The following GALK2 variants were observed in gnomAD, a reference collection of about 807,000 sequenced individuals.
GALK2 encodes the protein galactokinase 2.
GALK2 carries 36 observed loss-of-function variants against 52.4 expected under a neutral mutation model. The ratio of observed to expected loss-of-function variants is 0.69; its 90% confidence interval spans 0.53 to 0.91. The LOEUF (loss-of-function observed/expected upper bound fraction) is 0.91, where lower values mean the gene tolerates loss of function less well. Among genes scored for constraint, GALK2 ranks in the 40% least tolerant of loss-of-function variants. GALK2 has a pLI of 0.00. For missense variants in GALK2, 579 were observed against 559.1 expected, an observed-to-expected ratio of 1.04 and a Z score of -0.36; for synonymous variants, 176 against 199.1, an observed-to-expected ratio of 0.88 and a Z score of 0.98.
intron 9 of GALK2, 107 bp from the exon 10 acceptor site, chr15:49,327,845 T>G: frequency 9.9e-7 from 1 of 1,009,722 alleles, no homozygotes; most frequent in Non-Finnish European, 1.4e-6. Context: ...AAACCCCGCA[T>G]GTATTTTCTT....
At chr15:49,294,184 T>TAAATAAATAAGC (rs1280444432) in intron 8 of GALK2, among the ~76,000 whole-genome samples, 2 of 140,516 alleles carry the variant, frequency 1.4e-5, no homozygotes, top group African/African-American at 2.5e-5. Flanking sequence ...AATAAATAAA[T>TAAATAAATAAGC]AAGCAAGCAA....
At chr15:49,220,256 A>C (rs1412227838) in intron 3 of GALK2, among the ~76,000 whole-genome samples, 2 of 151,726 alleles carry the variant, frequency 1.3e-5, no homozygotes, top group African/African-American at 4.8e-5. Flanking sequence ...ACCTCTTTTT[A>C]TCCCCCGTTC....
chr15:49,318,032 A>T (rs2036561212), intron 8 of GALK2: 1 of 151,172 alleles, frequency 6.6e-6, no homozygotes, highest in Admixed American at 6.6e-5. Context: ...CATTCTGCAC[A>T]TGTATCCCAG....
chr15:49,364,594 A>C (rs2044798670), intron 3 of GALK2, among the ~76,000 whole-genome samples: 1 of 152,206 alleles, frequency 6.6e-6, no homozygotes, highest in Admixed American at 6.5e-5. Flanking sequence ...TTTTAAAAAA[A>C]CATACTACAA....
intron 1 of GALK2, among the ~76,000 whole-genome samples, chr15:49,157,379 A>T (rs759399316): frequency 1.3e-5 from 2 of 152,212 alleles, no homozygotes; most frequent in African/African-American, 2.4e-5. Context: ...ATAAAATCTA[A>T]TTAAAATTAC....
chr15:49,192,409 C>G (rs543680218), intron 1 of GALK2, among the ~76,000 whole-genome samples: 21 of 148,130 alleles, frequency 1.4e-4, no homozygotes, highest in African/African-American at 4.5e-4. Flanking sequence ...CAAACATTCT[C>G]CTATGTAAGA....
rs770088619 is a variant in GALK2 at position 49,328,031 on chromosome 15, C to G, written c.1249C>G (p.Leu417Val). Reference sequence around the variant, plus strand: ...AGTATCAATGGTACCTGCGGACAAGCTGCCCAGCTTTCTAGCAAATGTGCA... The same window carrying G: ...AGTATCAATGGTACCTGCGGACAAGGTGCCCAGCTTTCTAGCAAATGTGCA... Reference protein sequence around the residue: ...CTVSMVPADKLPSFLANVHKA... With the variant: ...CTVSMVPADKVPSFLANVHKA... Residue 417 changes from leucine to valine, a missense_variant, in exon 10 of 10, where the codon CTG (leucine) becomes GTG (valine). Coordinates refer to ENST00000560031, the MANE Select transcript of GALK2 (RefSeq NM_002044.4). 1 of 1,613,880 alleles carries G rather than the reference C, an allele frequency of 6.2e-7. No homozygotes were observed.
At chr15:49,232,288 C>T (rs756659916) in intron 3 of GALK2, among the ~76,000 whole-genome samples, 8 of 152,174 alleles carry the variant, frequency 5.3e-5, no homozygotes, top group Non-Finnish European at 7.3e-5. Context: ...GTCCTTTCAG[C>T]CACCCCTGGA....
intron 5 of GALK2, among the ~76,000 whole-genome samples, chr15:49,245,924 A>C (rs1200096511): frequency 1.3e-5 from 2 of 152,184 alleles, no homozygotes; most frequent in African/African-American, 4.8e-5. Flanking sequence ...GTTACTTTAT[A>C]TAGTGATACC....
chr15:49,155,891 G>C, exon 1 of GALK2: 1 of 1,288,660 alleles, frequency 7.8e-7, no homozygotes. Flanking sequence ...AGCCTCCTGG[G>C]TAAAGGAGCA....
At chr15:49,273,614 A>G (rs1428552943) in intron 5 of GALK2, among the ~76,000 whole-genome samples, 1 of 150,636 alleles carries the variant, frequency 6.6e-6, no homozygotes, top group Non-Finnish European at 1.5e-5. Context: ...TTCATCAGCC[A>G]TGTTTCAAAA....
Position 49,337,508 on chromosome 15 carries a change from C to CTTTT in GALK2, c.426+17727_426+17730dup, listed in dbSNP as rs33973907. On this transcript the variant is annotated intron_variant, in intron 3 of 3. Coordinates refer to the GALK2 transcript ENST00000558399. ...AATGTCTGTTCATATCATTTACCCA[C>CTTTT]TTTTTTTTTTTTTTTTTTTTTTTTT... Among the ~76,000 whole-genome samples, 283 of 36,046 alleles carry CTTTT rather than the reference C, an allele frequency of 7.9e-3. 32 individuals are homozygous for CTTTT. The highest frequency in any genetic ancestry group is 0.027 in the African/African-American group (218 of 8,118). 23.6% of individuals were successfully genotyped at this position (36,046 alleles called of 152,430 possible).
exon 1 of GALK2, chr15:49,155,865 G>A: frequency 7.0e-6 from 7 of 1,003,774 alleles, no homozygotes; most frequent in Non-Finnish European, 9.1e-6. Flanking sequence ...AACTGCGCTC[G>A]CATCGAGCAG....
intron 3 of GALK2, among the ~76,000 whole-genome samples, chr15:49,357,569 C>G (rs1043822909): frequency 9.9e-5 from 15 of 151,554 alleles, no homozygotes; most frequent in Non-Finnish European, 1.6e-4. Context: ...AGACCAATAA[C>G]AGGAGCTGAA....
At chr15:49,347,756 C>T (rs529477361) in intron 3 of GALK2, among the ~76,000 whole-genome samples, 34 of 152,198 alleles carry the variant, frequency 2.2e-4, no homozygotes, top group Non-Finnish European at 4.0e-4. Flanking sequence ...TGGTGGCTCA[C>T]GCCAGTAATC....
At chr15:49,192,217 G>A (rs1044198260) in intron 1 of GALK2, among the ~76,000 whole-genome samples, 5 of 151,880 alleles carry the variant, frequency 3.3e-5, no homozygotes, top group African/African-American at 7.3e-5. Flanking sequence ...AAAGATCTGG[G>A]CATTAGAGAT....
At chr15:49,233,655 T>C (rs1156831393) in intron 3 of GALK2, among the ~76,000 whole-genome samples, 1 of 152,234 alleles carries the variant, frequency 6.6e-6, no homozygotes, top group African/African-American at 2.4e-5. Context: ...TTTCAAATTG[T>C]GTGACCTCTT....
chr15:49,292,403 G>T lies in GALK2; in HGVS notation c.833G>T (p.Ser278Ile). ...LEEVQAKLGI[S>I]LEEMLLVTED... Reference sequence around the variant, plus strand: ...GAGGTGCAGGCTAAACTAGGGATTAGTCTAGAAGAAATGCTGTTGGTCACA... The same window carrying T: ...GAGGTGCAGGCTAAACTAGGGATTATTCTAGAAGAAATGCTGTTGGTCACA... The change falls in exon 8 of 10, where the codon AGT (serine) becomes ATT (isoleucine). Residue 278 changes from serine (S) to isoleucine (I), a missense_variant. By Grantham distance (142) the Ser-to-Ile change is moderately radical. Coordinates refer to ENST00000560031, the MANE Select transcript of GALK2 (RefSeq NM_002044.4). 1.2e-6 allele frequency: 2 copies of T among 1,614,068 alleles called. No homozygotes were observed. Among genetic ancestry groups the T allele is most frequent in the Non-Finnish European group, 1.7e-6 (2 of 1,179,970 alleles).
intron 3 of GALK2, among the ~76,000 whole-genome samples, chr15:49,232,198 T>C (rs746038964): frequency 6.6e-6 from 1 of 152,200 alleles, no homozygotes; most frequent in Admixed American, 6.5e-5. Flanking sequence ...ACTCTGAACA[T>C]TGGCAGGCTA....
Sources: gnomAD v4.1 joint callset for allele counts (sites outside exome capture counted in the v4.1 genomes callset) on GRCh38, gnomAD v4.1.1 for gene constraint, MANE v1.5 for transcripts, NCBI Gene and HGNC (gene_info 2026-07-23, HGNC 2026-07-21) for gene names.